The following RNF121 variants were observed in gnomAD, a reference collection of about 807,000 sequenced individuals.
The protein encoded by RNF121 is ring finger protein 121, also known as E3 ubiquitin ligase RNF121.
RNF121 carries 21 observed loss-of-function variants against 46.5 expected under a neutral mutation model. That is an observed-to-expected ratio of 0.45 (90% confidence interval 0.32 to 0.65). The LOEUF is 0.65. Among genes scored for constraint, RNF121 ranks in the 30% least tolerant of loss-of-function variants. The pLI is 0.04. For missense variants in RNF121, 346 were observed against 416.0 expected (o/e 0.83, Z 1.46); for synonymous variants, 139 against 144.7 (o/e 0.96, Z 0.28).
intron 1 of RNF121, among the ~76,000 whole-genome samples, chr11:71,954,440 G>C (rs1430239584): frequency 6.6e-6 from 1 of 152,112 alleles, no homozygotes; most frequent in Non-Finnish European, 1.5e-5. Context: ...CCTTCCCTGA[G>C]GCTCTGACAG....
chr11:71,940,572 G>T (rs1207208386), intron 1 of RNF121, among the ~76,000 whole-genome samples: 1 of 152,206 alleles, frequency 6.6e-6, no homozygotes, highest in East Asian at 1.9e-4. Context: ...CCAACATGAG[G>T]TTGACTTTTG....
At chr11:71,960,554 C>G (rs142186579) in intron 2 of RNF121, among the ~76,000 whole-genome samples, 196 bp from the exon 3 acceptor site, 4 of 152,070 alleles carry the variant, frequency 2.6e-5, no homozygotes, top group African/African-American at 9.7e-5. Context: ...CTGGGGGGTC[C>G]GTAGAGCCTG....
intron 4 of RNF121, among the ~76,000 whole-genome samples, chr11:71,985,656 G>T (rs975191545): frequency 3.3e-5 from 5 of 152,216 alleles, no homozygotes; most frequent in Admixed American, 3.3e-4. Flanking sequence ...GTTCAGCAGG[G>T]TTGGTAGTAA....
chr11:71,949,453 G>A (rs1302223991), intron 1 of RNF121, among the ~76,000 whole-genome samples: 1 of 152,068 alleles, frequency 6.6e-6, no homozygotes, highest in African/African-American at 2.4e-5. Flanking sequence ...GGTGGCTAAT[G>A]CCCGTAATCC....
chr11:71,936,063 G>A (rs375334855), intron 1 of RNF121, among the ~76,000 whole-genome samples: 147 of 151,808 alleles, frequency 9.7e-4, no homozygotes, highest in African/African-American at 3.4e-3. Flanking sequence ...TAGCCAGGAC[G>A]GTCTCCATCT....
intron 3 of RNF121, among the ~76,000 whole-genome samples, chr11:71,963,479 G>A (rs1021982913): frequency 1.3e-4 from 20 of 152,226 alleles, no homozygotes; most frequent in African/African-American, 4.3e-4. Context: ...AAATAGCTGG[G>A]CGTGGTGGCA....
chr11:71,952,290 T>G (rs1021693956), intron 1 of RNF121, among the ~76,000 whole-genome samples: 2 of 152,196 alleles, frequency 1.3e-5, no homozygotes, highest in Non-Finnish European at 2.9e-5. Flanking sequence ...AGAGACAGAA[T>G]GTAAATTAGT....
chr11:71,944,437 T>C (rs1003195709), intron 1 of RNF121, among the ~76,000 whole-genome samples: 7 of 152,244 alleles, frequency 4.6e-5, no homozygotes, highest in Non-Finnish European at 7.3e-5. Context: ...AGGAAAAATT[T>C]GCCTTAATCC....
intron 3 of RNF121, among the ~76,000 whole-genome samples, chr11:71,978,745 C>T (rs1453394476): frequency 6.6e-6 from 1 of 152,198 alleles, no homozygotes; most frequent in Non-Finnish European, 1.5e-5. Flanking sequence ...TAAGTGCTTT[C>T]CATGCCTTAA....
intron 1 of RNF121, among the ~76,000 whole-genome samples, chr11:71,951,328 G>C (rs1179905308): frequency 6.6e-6 from 1 of 152,108 alleles, no homozygotes; most frequent in East Asian, 1.9e-4. Flanking sequence ...GTAAAGACCT[G>C]TGCCAGATTA....
chr11:71,950,359 T>C (rs879395412), intron 1 of RNF121, among the ~76,000 whole-genome samples: 2 of 152,042 alleles, frequency 1.3e-5, no homozygotes, highest in Non-Finnish European at 2.9e-5. Context: ...CCGAGGTTAG[T>C]GGATCACTTA....
At chr11:71,956,040 A>G (rs1953983570) in intron 1 of RNF121, among the ~76,000 whole-genome samples, 1 of 152,216 alleles carries the variant, frequency 6.6e-6, no homozygotes, top group Non-Finnish European at 1.5e-5. Context: ...TCCAGTACAC[A>G]TACATAAAGG....
At chr11:71,989,241 C>T (rs896761639) in intron 5 of RNF121, among the ~76,000 whole-genome samples, 3 of 152,158 alleles carry the variant, frequency 2.0e-5, no homozygotes, top group East Asian at 1.9e-4. Context: ...CCACCACACC[C>T]GGCTAATTTT....
At chr11:71,961,004 A>G in intron 3 of RNF121, 113 bp downstream of exon 3, 1 of 1,207,134 alleles carries the variant, frequency 8.3e-7, no homozygotes, top group South Asian at 1.4e-5. Flanking sequence ...AGACAATAAC[A>G]ATGAACTTTA....
intron 1 of RNF121, among the ~76,000 whole-genome samples, chr11:71,953,020 G>T (rs1953919506): frequency 6.6e-6 from 1 of 152,050 alleles, no homozygotes; most frequent in Non-Finnish European, 1.5e-5. Context: ...CTGAGATTTT[G>T]TACAGAATAG....
chr11:71,990,529 C>A (rs1954844949), intron 5 of RNF121, 68 bp from the exon 6 acceptor site: 7 of 1,577,104 alleles, frequency 4.4e-6, no homozygotes, highest in Non-Finnish European at 5.2e-6. Context: ...CTTGTGTGTC[C>A]CAGAGTAGTA....
chr11:71,957,013 G>A (rs1369095164), intron 1 of RNF121, among the ~76,000 whole-genome samples: 3 of 152,192 alleles, frequency 2.0e-5, no homozygotes, highest in East Asian at 1.9e-4. Flanking sequence ...TAGCACAGAC[G>A]TGCAACACAT....
chr11:71,945,284 T>C (rs1365710417), intron 1 of RNF121, among the ~76,000 whole-genome samples: 1 of 152,224 alleles, frequency 6.6e-6, no homozygotes, highest in African/African-American at 2.4e-5. Flanking sequence ...CCAACATGTC[T>C]GGCCAAGATT....
At position 71,994,761 on chromosome 11, in the gene RNF121, A is replaced by C. The variant is rs754216475; in HGVS notation, c.670A>C (p.Ser224Arg). The change falls in exon 7 of 9, where the codon AGT becomes CGT. Residue 224 changes from serine (S) to arginine (R), a missense_variant. Ser to Arg is a moderately radical substitution (Grantham distance 110). Coordinates refer to ENST00000361756, the MANE Select transcript of RNF121 (RefSeq NM_018320.5). The stretch of plus-strand genomic sequence containing the variant: ...CATGCCTACCAAACATCTTTCAGAC[A>C]GTGTGTGTGCTGTGTGTGGGCAGCA... ...SGMPTKHLSDSVCAVCGQQIF... is the reference protein window; with the variant it reads ...SGMPTKHLSDRVCAVCGQQIF... 6.2e-7 allele frequency: 1 copy of C among 1,614,060 alleles called. No individual in the cohort carries two copies.
Sources: allele counts gnomAD v4.1 joint callset (sites outside exome capture counted in the v4.1 genomes callset), GRCh38; gene constraint gnomAD v4.1.1; transcripts MANE v1.5; gene names NCBI Gene and HGNC (gene_info 2026-07-23, HGNC 2026-07-21).